Variants in STK31 observed in about 807,000 individuals in gnomAD.
STK31 encodes the protein serine/threonine kinase 31, also known as serine/threonine-protein kinase 31.
A neutral mutation model predicts 129.7 loss-of-function variants in STK31; 89 were observed. The ratio of observed to expected loss-of-function variants is 0.69; its 90% CI spans 0.58 to 0.82. The LOEUF (loss-of-function observed/expected upper bound fraction) is 0.82. STK31 is among the 40% of genes least tolerant of loss of function. The probability of loss-of-function intolerance (pLI) is 0.00; values close to 1 mark genes in which losing one functional copy is unlikely to be tolerated. For missense variants in STK31, 1,187 were observed against 1,176.4 expected (o/e 1.01, Z -0.13); for synonymous variants, 448 against 395.3 (o/e 1.13, Z -1.58).
At chr7:23,792,414 C>T (rs2128115231) in intron 22 of STK31, among the ~76,000 whole-genome samples, 1 of 152,114 alleles carries the variant, frequency 6.6e-6, no homozygotes, top group African/African-American at 2.4e-5. Flanking sequence ...AAAAGATGTG[C>T]AAGAGTTGCA....
intron 4 of STK31, among the ~76,000 whole-genome samples, chr7:23,719,665 C>G (rs965141994): frequency 6.6e-6 from 1 of 152,108 alleles, no homozygotes; most frequent in African/African-American, 2.4e-5. Flanking sequence ...CCCAATTCTA[C>G]CACCCCACCC....
chr7:23,788,631 G>A (rs1010016616), intron 21 of STK31, among the ~76,000 whole-genome samples: 12 of 152,072 alleles, frequency 7.9e-5, no homozygotes, highest in African/African-American at 2.9e-4. Flanking sequence ...AGTTTGTAGA[G>A]ATAGCAAAAT....
chr7:23,754,552 A>C (rs1456551954), intron 10 of STK31, 78 bp downstream of exon 10: 1 of 1,459,424 alleles, frequency 6.9e-7, no homozygotes, highest in Non-Finnish European at 9.3e-7. Flanking sequence ...CTTCTAAAAA[A>C]AATAACAGGA....
chr7:23,769,617 A>C, intron 12 of STK31, 23 bp from the exon 13 acceptor site: 1 of 1,447,882 alleles, frequency 6.9e-7, no homozygotes, highest in East Asian at 2.3e-5. Context: ...GAGATATTTC[A>C]TGTGTTTATT....
At chr7:23,763,215 C>T (rs947309384) in intron 11 of STK31, among the ~76,000 whole-genome samples, 17 of 152,082 alleles carry the variant, frequency 1.1e-4, no homozygotes, top group Admixed American at 9.8e-4. Context: ...TCCCTATCGT[C>T]CATTGCATTC....
intron 8 of STK31, among the ~76,000 whole-genome samples, chr7:23,737,705 G>A (rs1787797598): frequency 1.3e-5 from 2 of 152,152 alleles, no homozygotes; most frequent in Non-Finnish European, 1.5e-5. Flanking sequence ...CATTTTGGTT[G>A]ATATTTCTCT....
chr7:23,742,671 G>C (rs190129463), intron 8 of STK31, among the ~76,000 whole-genome samples: 2 of 152,270 alleles, frequency 1.3e-5, no homozygotes, highest in East Asian at 3.9e-4. Flanking sequence ...CTGGTTTCTG[G>C]CTAGGCATGC....
At chr7:23,757,665 T>A (rs992619448) in intron 10 of STK31, among the ~76,000 whole-genome samples, 1 of 152,080 alleles carries the variant, frequency 6.6e-6, no homozygotes, top group Non-Finnish European at 1.5e-5. Flanking sequence ...AGACATTCCA[T>A]TGCCCAGGGA....
At chr7:23,775,424 T>G (rs1419450779) in intron 15 of STK31, among the ~76,000 whole-genome samples, 1 of 152,236 alleles carries the variant, frequency 6.6e-6, no homozygotes, top group African/African-American at 2.4e-5. Flanking sequence ...TTGGGCAGTA[T>G]GGCCATTTTC....
In STK31 at chr7:23,754,348, C is replaced by T. The variant is rs1370928668; in HGVS notation, c.1167C>T (p.Asp389=). 5.6e-6 allele frequency: 9 copies of T among 1,612,774 alleles called. No individual in the cohort carries two copies. The highest frequency in any genetic ancestry group is 1.3e-5 in the African/African-American group (1 of 74,942). Residue 389 remains aspartate, a synonymous_variant, in exon 10 of 24, where the codon GAC becomes GAT. Coordinates refer to ENST00000355870, the MANE Select transcript of STK31 (RefSeq NM_031414.5). ...HVDISVRFGK[D]LSDAIQVLDE... ...ACATCAGTGTCCGTTTCGGAAAAGA[C>T]CTTTCAGATGCTATACAAGTGTTGG...
At chr7:23,791,124 G>A (rs1791589261) in intron 22 of STK31, among the ~76,000 whole-genome samples, 178 bp downstream of exon 22, 1 of 152,024 alleles carries the variant, frequency 6.6e-6, no homozygotes, top group African/African-American at 2.4e-5. Flanking sequence ...CTACAAATTG[G>A]CTTGATGTAT....
Position 23,798,403 on chromosome 7 carries a change from C to A in STK31, c.2760+7457C>A, listed in dbSNP as rs575274491. Among the ~76,000 whole-genome samples the A allele has an allele frequency of 2.3e-3, 330 of 144,958 alleles. 1 individual carries two copies. The highest frequency in any genetic ancestry group is 7.3e-3 in the African/African-American group (285 of 39,236). On this transcript the variant is annotated intron_variant, in intron 22 of 23. Transcript: ENST00000355870. ...AGCACATCAAAAAGCTTATCCACAA[C>A]AATCAAGTCAGCTTCATCCCTGGGA...
At chr7:23,710,815 C>A in intron 1 of STK31, 1 of 1,002,930 alleles carries the variant, frequency 1.0e-6, no homozygotes, top group Non-Finnish European at 1.2e-6. Flanking sequence ...CTAGAAGTAG[C>A]TTCTTGGAGT....
rs1160479366 is a variant in STK31, at chr7:23,779,115, G to C, written c.1966-2304G>C. ...AGTCCCCTCTGCTGCAGGTTTGCTG[G>C]AGTTTGCTGGAAGTCCATTGCAGAC... On this transcript the variant is annotated intron_variant, in intron 15 of 23. Transcript: ENST00000355870. Among the ~76,000 whole-genome samples, 3 of 152,270 alleles carry C rather than the reference G, an allele frequency of 2.0e-5. No homozygotes were observed. The East Asian group carries it at 5.8e-4, about 29-fold the overall frequency.
Position 23,712,087 on chromosome 7 carries a change from G to T in STK31, c.51-12G>T, listed in dbSNP as rs773777032. Reference sequence around the variant, plus strand: ...GTGGATTATTGTAATCTAATTTAAGGTATTGTTCTAGTTTTTCAGGAATTG... The same window carrying T: ...GTGGATTATTGTAATCTAATTTAAGTTATTGTTCTAGTTTTTCAGGAATTG... On this transcript the variant is annotated splice_polypyrimidine_tract_variant and intron_variant, in intron 1 of 23. Coordinates refer to ENST00000355870, the MANE Select transcript of STK31 (RefSeq NM_031414.5). 3.1e-6 allele frequency: 5 copies of T among 1,589,522 alleles called. No individual in the cohort carries two copies. In the African/African-American group the frequency reaches 5.4e-5, roughly 17 times the overall value.
Position 23,710,691 on chromosome 7 carries a change from C to T in STK31, c.50+356C>T, listed in dbSNP as rs181531832. The T allele has an allele frequency of 3.3e-4, 367 of 1,111,896 alleles. 1 individual carries two copies. The African/African-American group carries it at 4.7e-3, about 14-fold the overall frequency. The allele number at this position is 1,111,896 out of a possible 1,614,324, so 68.9% of individuals were successfully genotyped here. On this transcript the variant is annotated intron_variant, in intron 1 of 23. Coordinates refer to ENST00000355870, the MANE Select transcript of STK31 (RefSeq NM_031414.5). Reference sequence around the variant, plus strand: ...ACCCGTTTCTTCCAAATTTTCATCACGAAGTGGAGATTTGGACGTACTATT... The same window carrying T: ...ACCCGTTTCTTCCAAATTTTCATCATGAAGTGGAGATTTGGACGTACTATT...
intron 10 of STK31, among the ~76,000 whole-genome samples, chr7:23,762,317 T>C (rs907673382): frequency 5.3e-5 from 8 of 150,884 alleles, no homozygotes; most frequent in Non-Finnish European, 1.2e-4. Flanking sequence ...TATTAATATA[T>C]AGTTTTAATA....
At chr7:23,710,183 G>A (rs1785835116), upstream of STK31, 2 of 1,590,268 alleles carry the variant, frequency 1.3e-6, no homozygotes, top group East Asian at 4.5e-5. Context: ...GGATGATGGC[G>A]CAGCGCTGTG....
intron 6 of STK31, among the ~76,000 whole-genome samples, chr7:23,732,450 C>T (rs909571401): frequency 6.6e-6 from 1 of 151,940 alleles, no homozygotes; most frequent in African/African-American, 2.4e-5. Flanking sequence ...TATTAAAACA[C>T]CCATGTATCA....
Sources: allele counts gnomAD v4.1 joint callset (sites outside exome capture counted in the v4.1 genomes callset), GRCh38; gene constraint gnomAD v4.1.1; transcripts MANE v1.5; gene names NCBI Gene and HGNC (gene_info 2026-07-23, HGNC 2026-07-21).